Variants in TYW1B observed in about 807,000 individuals in gnomAD.
TYW1B encodes tRNA-yW synthesizing protein 1 homolog B, also known as S-adenosyl-L-methionine-dependent tRNA 4-demethylwyosine synthase TYW1B.
Under a neutral mutation model 86.9 loss-of-function variants are expected in TYW1B, and 73 were observed. That is an observed-to-expected ratio of 0.84 (90% CI 0.70 to 1.02). The LOEUF is 1.02. Among genes scored for constraint, TYW1B ranks in the 50% least tolerant of loss-of-function variants. The pLI is 0.00. For synonymous variants in TYW1B, 248 were observed against 292.8 expected, an observed-to-expected ratio of 0.85 and a Z score of 1.56; for missense variants, 637 against 827.4, an observed-to-expected ratio of 0.77 and a Z score of 2.82.
chr7:72,599,872 AT>A (rs1811617810), intron 13 of TYW1B, among the ~76,000 whole-genome samples: 1 of 152,160 alleles, frequency 6.6e-6, no homozygotes, highest in African/African-American at 2.4e-5. Flanking sequence ...TTAAAAAAAA[AT>A]CAGGCATATT....
intron 9 of TYW1B, among the ~76,000 whole-genome samples, chr7:72,725,124 G>A (rs1353137545): frequency 7.2e-5 from 11 of 152,082 alleles, no homozygotes; most frequent in Non-Finnish European, 1.5e-5. Context: ...ACGTGCTCAC[G>A]GAACTCACCT....
At chr7:72,791,605 G>A (rs575519880) in intron 6 of TYW1B, among the ~76,000 whole-genome samples, 59 of 152,034 alleles carry the variant, frequency 3.9e-4, no homozygotes, top group African/African-American at 1.3e-3. Context: ...GTGAAACCTC[G>A]TCTCTACTAA....
chr7:72,815,562 T>C (rs1586006512), intron 2 of TYW1B, 81 bp from the exon 3 acceptor site: 1 of 1,274,634 alleles, frequency 7.8e-7, no homozygotes. Context: ...GGCACAAGAA[T>C]GTGGCATTCC....
intron 13 of TYW1B, among the ~76,000 whole-genome samples, chr7:72,587,920 T>C (rs1304808861): frequency 2.0e-5 from 3 of 152,210 alleles, no homozygotes; most frequent in South Asian, 2.1e-4. Context: ...TCTCTTTCTT[T>C]GTCTCAGTCA....
At chr7:72,722,999 A>T in intron 9 of TYW1B, 1 of 698,550 alleles carries the variant, frequency 1.4e-6, no homozygotes, top group Non-Finnish European at 2.5e-6. Context: ...AAGCCTTGGG[A>T]ATGGACACGG....
chr7:72,825,969 A>G (rs1186660538), intron 2 of TYW1B, among the ~76,000 whole-genome samples: 1 of 152,212 alleles, frequency 6.6e-6, no homozygotes, highest in African/African-American at 2.4e-5. Context: ...TGGGAGAAAG[A>G]ATAAAGAAGG....
At chr7:72,584,204 C>T (rs1488564396) in intron 13 of TYW1B, among the ~76,000 whole-genome samples, 1 of 152,126 alleles carries the variant, frequency 6.6e-6, no homozygotes, top group Non-Finnish European at 1.5e-5. Context: ...GCCACCATAT[C>T]CAGCCAATGT....
intron 13 of TYW1B, among the ~76,000 whole-genome samples, chr7:72,601,739 A>G (rs1485196410): frequency 6.6e-6 from 1 of 151,010 alleles, no homozygotes; most frequent in Non-Finnish European, 1.5e-5. Flanking sequence ...TCTTAAATGC[A>G]TATTGCTAAG....
chr7:72,594,077 A>G (rs1475818999), intron 13 of TYW1B, among the ~76,000 whole-genome samples: 16 of 152,046 alleles, frequency 1.1e-4, no homozygotes, highest in African/African-American at 3.6e-4. Context: ...GAAGACCTCA[A>G]ATCAACAACC....
intron 6 of TYW1B, among the ~76,000 whole-genome samples, chr7:72,782,785 A>G (rs11976020): frequency 0.69 from 104,363 of 151,960 alleles, 36,758 homozygotes; most frequent in Non-Finnish European, 0.77. Context: ...GCTGAGGCAC[A>G]AGAATCACTT....
intron 13 of TYW1B, among the ~76,000 whole-genome samples, chr7:72,606,153 C>G (rs532277152): frequency 1.1e-4 from 17 of 152,054 alleles, no homozygotes; most frequent in East Asian, 1.9e-4. Context: ...ATCCTGGACT[C>G]GGCTGCAAGC....
At chr7:72,576,863 A>T (rs1256149462) in intron 13 of TYW1B, among the ~76,000 whole-genome samples, 1 of 151,772 alleles carries the variant, frequency 6.6e-6, no homozygotes, top group East Asian at 2.0e-4. Flanking sequence ...ATGGTGGCTC[A>T]TGCCTGTCAT....
intron 13 of TYW1B, among the ~76,000 whole-genome samples, chr7:72,583,822 T>C (rs1251070566): frequency 6.6e-6 from 1 of 152,188 alleles, no homozygotes; most frequent in African/African-American, 2.4e-5. Flanking sequence ...GTAGTCACAT[T>C]CCTATCTTTA....
intron 11 of TYW1B, among the ~76,000 whole-genome samples, chr7:72,658,148 C>T (rs1232622581): frequency 6.6e-6 from 1 of 151,920 alleles, no homozygotes. Flanking sequence ...GTCCCAGCTA[C>T]TTGGGAGGCT....
intron 12 of TYW1B, among the ~76,000 whole-genome samples, chr7:72,624,041 T>C (rs1179965095): frequency 7.2e-5 from 11 of 152,152 alleles, no homozygotes; most frequent in Non-Finnish European, 1.3e-4. Flanking sequence ...CCTCAAGTGA[T>C]CTGCCTGACT....
chr7:72,578,980 C>A (rs578146451), intron 13 of TYW1B, among the ~76,000 whole-genome samples: 2 of 152,194 alleles, frequency 1.3e-5, no homozygotes, highest in South Asian at 4.2e-4. Flanking sequence ...CCCTCAAACT[C>A]TAACATAATT....
intron 11 of TYW1B, among the ~76,000 whole-genome samples, chr7:72,674,909 T>C (rs1585894182): frequency 6.6e-6 from 1 of 151,934 alleles, no homozygotes; most frequent in South Asian, 2.1e-4. Context: ...AAATTTTCTA[T>C]ACTTGTCCTT....
At chr7:72,577,619 G>A (rs540967648) in intron 13 of TYW1B, among the ~76,000 whole-genome samples, 11 of 152,308 alleles carry the variant, frequency 7.2e-5, no homozygotes, top group African/African-American at 2.6e-4. Context: ...CGCCGGTGGC[G>A]TGACTTGGTC....
At chr7:72,638,269 C>T (rs1812720170) in intron 11 of TYW1B, among the ~76,000 whole-genome samples, 1 of 152,040 alleles carries the variant, frequency 6.6e-6, no homozygotes, top group Non-Finnish European at 1.5e-5. Context: ...CAGTTCTCCA[C>T]TAAAATACTC....
Sources: allele counts gnomAD v4.1 joint callset (sites outside exome capture counted in the v4.1 genomes callset), GRCh38; gene constraint gnomAD v4.1.1; transcripts MANE v1.5; gene names NCBI Gene and HGNC (gene_info 2026-07-23, HGNC 2026-07-21).